Variants in WDFY3 observed in about 807,000 individuals in gnomAD.
WDFY3 encodes the protein WD repeat and FYVE domain-containing protein 3.
Under a neutral mutation model 409.6 loss-of-function variants are expected in WDFY3, and 66 were observed. The observed-to-expected ratio is 0.16, with a 90% CI of 0.13 to 0.20. The LOEUF (loss-of-function observed/expected upper bound fraction) is 0.20, where lower values mean the gene tolerates loss of function less well. Ranked by LOEUF, WDFY3 falls within the 10% of genes least tolerant of loss-of-function variation. The pLI is 1.00. For missense variants in WDFY3, 3,031 were observed against 4,298.1 expected (o/e 0.71, Z 8.24); for synonymous variants, 1,521 against 1,537.1 (o/e 0.99, Z 0.25).
At chr4:84,753,604 A>T in intron 35 of WDFY3, 93 bp downstream of exon 35, 1 of 1,369,660 alleles carries the variant, frequency 7.3e-7, no homozygotes, top group Non-Finnish European at 9.6e-7. Context: ...AACTTAAAAG[A>T]CTGTCAAAAA....
chr4:84,789,021 A>G (rs1321815662), intron 22 of WDFY3, among the ~76,000 whole-genome samples: 1 of 152,182 alleles, frequency 6.6e-6, no homozygotes, highest in African/African-American at 2.4e-5. Context: ...CACCATCTTA[A>G]AAAAGGAAAA....
intron 1 of WDFY3, among the ~76,000 whole-genome samples, chr4:84,952,738 T>C (rs1357348557): frequency 1.3e-5 from 2 of 152,086 alleles, no homozygotes; most frequent in African/African-American, 2.4e-5. Flanking sequence ...AATACTCATC[T>C]TGACCAAAAA....
intron 2 of WDFY3, among the ~76,000 whole-genome samples, chr4:84,898,118 G>A (rs913178852): frequency 2.0e-5 from 3 of 152,052 alleles, no homozygotes; most frequent in Non-Finnish European, 4.4e-5. Flanking sequence ...AATATATGAA[G>A]TAAAAAATCT....
At chr4:84,697,585 C>A (rs1400999758) in intron 56 of WDFY3, among the ~76,000 whole-genome samples, 1 of 152,162 alleles carries the variant, frequency 6.6e-6, no homozygotes, top group Non-Finnish European at 1.5e-5. Flanking sequence ...ACTGTGAAAT[C>A]TATCCACATC....
intron 5 of WDFY3, among the ~76,000 whole-genome samples, chr4:84,846,925 G>T (rs80294247): frequency 0.066 from 10,073 of 151,872 alleles, 455 homozygotes; most frequent in Admixed American, 0.12. Flanking sequence ...GGAAGCAGAA[G>T]TAAATAAGCA....
At chr4:84,882,654 C>T (rs192156173) in intron 3 of WDFY3, among the ~76,000 whole-genome samples, 1 of 151,340 alleles carries the variant, frequency 6.6e-6, no homozygotes, top group Admixed American at 6.6e-5. Flanking sequence ...CTATCAGGGA[C>T]ACAAAAATTA....
intron 3 of WDFY3, among the ~76,000 whole-genome samples, chr4:84,874,629 CT>C (rs1000795784): frequency 2.0e-5 from 3 of 152,268 alleles, no homozygotes; most frequent in African/African-American, 7.2e-5. Flanking sequence ...ATTGTTTTCT[CT>C]GCTAATGATG....
chr4:84,744,624 C>T (rs900664305), intron 36 of WDFY3, among the ~76,000 whole-genome samples: 6 of 151,636 alleles, frequency 4.0e-5, no homozygotes, highest in East Asian at 1.9e-4. Flanking sequence ...GAGGCCGAGG[C>T]GGGCGGATCA....
At chr4:84,704,536 T>C in intron 54 of WDFY3, 92 bp from the exon 55 acceptor site, 1 of 977,332 alleles carries the variant, frequency 1.0e-6, no homozygotes. Flanking sequence ...TGCTAGCCTA[T>C]GTGATAACTG....
intron 13 of WDFY3, among the ~76,000 whole-genome samples, chr4:84,817,093 TG>T (rs1753411224): frequency 6.6e-6 from 1 of 152,184 alleles, no homozygotes; most frequent in African/African-American, 2.4e-5. Context: ...TGAATTTAAC[TG>T]ATCAGAAAAT....
chr4:84,758,402 T>C (rs370530462), intron 32 of WDFY3, among the ~76,000 whole-genome samples: 1 of 152,112 alleles, frequency 6.6e-6, no homozygotes, highest in Non-Finnish European at 1.5e-5. Context: ...CATGCAACCA[T>C]GCCTGGCTAA....
At position 84,820,155 on chromosome 4, in the gene WDFY3, GTCT is replaced by G. The variant is rs1753849230; in HGVS notation, c.1620_1622del (p.Glu540del). On this transcript the variant is annotated inframe_deletion, in exon 12 of 68. Transcript: ENST00000295888. The stretch of plus-strand genomic sequence containing the variant: ...TAACCAATAAAGCCAGGTGTTTTTG[GTCT>G]TCAACTGAACTATTATTTCTTGAGT... 1 of 1,609,016 alleles carries G rather than the reference GTCT, an allele frequency of 6.2e-7. No individual in the cohort carries two copies. Among genetic ancestry groups the G allele is most frequent in the Non-Finnish European group, 8.5e-7 (1 of 1,177,090 alleles).
At chr4:84,832,607 T>C (rs766475837) in intron 7 of WDFY3, among the ~76,000 whole-genome samples, 14 of 152,204 alleles carry the variant, frequency 9.2e-5, no homozygotes, top group Non-Finnish European at 1.5e-4. Context: ...GACCTATAAA[T>C]ATATGCAATT....
At position 84,846,256 on chromosome 4, in the gene WDFY3, A is replaced by C. The variant is rs184981203; in HGVS notation, c.304+3646T>G. On this transcript the variant is annotated intron_variant, in intron 5 of 67. Transcript: ENST00000295888. ...ATATGAAAAAAATGTATCTTAAAAA[A>C]TCCCTAGTTAATAAGATGTCATCAA... Among the ~76,000 whole-genome samples, 21 of 152,298 alleles carry C rather than the reference A, an allele frequency of 1.4e-4. No individual in the cohort carries two copies. The East Asian group carries it at 3.7e-3, about 27-fold the overall frequency.
chr4:84,826,586 T>C (rs1249908421), intron 10 of WDFY3, among the ~76,000 whole-genome samples: 1 of 152,162 alleles, frequency 6.6e-6, no homozygotes, highest in Non-Finnish European at 1.5e-5. Flanking sequence ...AATATAAATC[T>C]CCTTGTTTGA....
intron 15 of WDFY3, among the ~76,000 whole-genome samples, chr4:84,805,798 A>C (rs1751408459): frequency 6.6e-6 from 1 of 152,146 alleles, no homozygotes; most frequent in African/African-American, 2.4e-5. Context: ...CTTTTGTTCC[A>C]TTGCAGTTAT....
At chr4:84,962,568 G>A (rs1257828389) in intron 1 of WDFY3, among the ~76,000 whole-genome samples, 1 of 152,076 alleles carries the variant, frequency 6.6e-6, no homozygotes, top group African/African-American at 2.4e-5. Flanking sequence ...TGTCTTGACT[G>A]TGGTGGAGAC....
At chr4:84,946,130 C>G (rs896025002) in intron 1 of WDFY3, among the ~76,000 whole-genome samples, 1 of 152,090 alleles carries the variant, frequency 6.6e-6, no homozygotes, top group African/African-American at 2.4e-5. Flanking sequence ...AACCTCAGAC[C>G]CTTTTGGGAA....
intron 67 of WDFY3, among the ~76,000 whole-genome samples, chr4:84,675,080 C>T (rs571768869): frequency 1.3e-5 from 2 of 151,862 alleles, no homozygotes; most frequent in South Asian, 4.2e-4. Context: ...AAGTGATTCT[C>T]TCGCCTCAAC....
Sources: gnomAD v4.1 joint callset for allele counts (sites outside exome capture counted in the v4.1 genomes callset) on GRCh38, gnomAD v4.1.1 for gene constraint, MANE v1.5 for transcripts, NCBI Gene and HGNC (gene_info 2026-07-23, HGNC 2026-07-21) for gene names.